Variants in RIMS1 observed in about 807,000 individuals in gnomAD.
The protein encoded by RIMS1 is regulating synaptic membrane exocytosis protein 1.
In RIMS1, 83 loss-of-function variants were observed where a neutral mutation model predicts 214.1. The observed-to-expected ratio is 0.39, with a 90% CI of 0.32 to 0.47. The LOEUF (loss-of-function observed/expected upper bound fraction) is 0.47. Ranked by LOEUF, RIMS1 falls within the 20% of genes least tolerant of loss-of-function variation. RIMS1 has a pLI of 0.99. For synonymous variants in RIMS1, 793 were observed against 786.8 expected (o/e 1.01, Z -0.13); for missense variants, 2,050 against 2,161.8 (o/e 0.95, Z 1.03).
At chr6:72,312,714 A>C (rs1376055026) in intron 27 of RIMS1, among the ~76,000 whole-genome samples, 1 of 152,172 alleles carries the variant, frequency 6.6e-6, no homozygotes, top group Non-Finnish European at 1.5e-5. Flanking sequence ...GTAGAAAGCT[A>C]AAGACCAGTC....
At chr6:72,118,622 C>A (rs534388944) in intron 4 of RIMS1, among the ~76,000 whole-genome samples, 2 of 151,680 alleles carry the variant, frequency 1.3e-5, no homozygotes, top group Non-Finnish European at 3.0e-5. Flanking sequence ...AAAGATAATA[C>A]ATCATGATCA....
At chr6:71,942,222 A>G (rs1331071938) in intron 1 of RIMS1, among the ~76,000 whole-genome samples, 1 of 152,212 alleles carries the variant, frequency 6.6e-6, no homozygotes, top group Non-Finnish European at 1.5e-5. Flanking sequence ...AGGTAACTCC[A>G]TAACTGCTAA....
chr6:72,257,712 A>G (rs1191821435), intron 16 of RIMS1, among the ~76,000 whole-genome samples: 1 of 152,182 alleles, frequency 6.6e-6, no homozygotes, highest in African/African-American at 2.4e-5. Flanking sequence ...AAAAATCGAA[A>G]TGAAGAATTT....
chr6:72,015,389 C>T (rs1462146585), intron 2 of RIMS1, among the ~76,000 whole-genome samples: 1 of 152,068 alleles, frequency 6.6e-6, no homozygotes, highest in African/African-American at 2.4e-5. Context: ...TATTCATCAC[C>T]CTTGCTGAGC....
chr6:72,291,837 T>C (rs1193362708), intron 25 of RIMS1, 97 bp from the exon 26 acceptor site: 1 of 864,860 alleles, frequency 1.2e-6, no homozygotes, highest in Admixed American at 2.0e-5. Flanking sequence ...GTGAGGGGGT[T>C]TATGTCTATT....
chr6:71,996,537 T>C (rs1584464731), intron 2 of RIMS1, among the ~76,000 whole-genome samples: 1 of 152,356 alleles, frequency 6.6e-6, no homozygotes, highest in Middle Eastern at 3.4e-3. Context: ...TCCTAATTTG[T>C]ACTTTATTCC....
intron 2 of RIMS1, among the ~76,000 whole-genome samples, chr6:72,011,485 T>C (rs1444646033): frequency 6.6e-6 from 1 of 152,184 alleles, no homozygotes; most frequent in Non-Finnish European, 1.5e-5. Context: ...AAATGGGATC[T>C]AATCAAACTA....
intron 2 of RIMS1, among the ~76,000 whole-genome samples, chr6:72,040,909 G>A (rs1043444472): frequency 1.7e-4 from 26 of 151,764 alleles, no homozygotes; most frequent in African/African-American, 6.0e-4. Context: ...AATATTTGGT[G>A]TGTCCCTACA....
At chr6:72,078,423 A>G (rs1044848662) in intron 2 of RIMS1, among the ~76,000 whole-genome samples, 1 of 151,980 alleles carries the variant, frequency 6.6e-6, no homozygotes, top group Non-Finnish European at 1.5e-5. Flanking sequence ...CTATTCCCTA[A>G]TACTTCATGT....
At chr6:72,342,920 T>G (rs1450631932) in intron 29 of RIMS1, among the ~76,000 whole-genome samples, 1 of 151,660 alleles carries the variant, frequency 6.6e-6, no homozygotes, top group Admixed American at 6.6e-5. Context: ...CTGAAGGAGC[T>G]TGAGTCAGAG....
intron 6 of RIMS1, among the ~76,000 whole-genome samples, chr6:72,210,172 A>G (rs1589157554): frequency 1.3e-5 from 2 of 152,186 alleles, no homozygotes; most frequent in South Asian, 4.1e-4. Flanking sequence ...GGGATCCAAT[A>G]CTTCTCTTTC....
chr6:72,076,244 G>T (rs1201690508), intron 2 of RIMS1, among the ~76,000 whole-genome samples: 1 of 152,128 alleles, frequency 6.6e-6, no homozygotes, highest in East Asian at 1.9e-4. Flanking sequence ...TTTTACCGAT[G>T]AGGAAACTCA....
At chr6:72,064,259 A>G (rs149875567) in intron 2 of RIMS1, among the ~76,000 whole-genome samples, 1 of 151,970 alleles carries the variant, frequency 6.6e-6, no homozygotes, top group Non-Finnish European at 1.5e-5. Flanking sequence ...CGGAGGTTGC[A>G]GTGAGCTGAG....
At chr6:72,179,214 CT>C (rs1027215777) in intron 4 of RIMS1, among the ~76,000 whole-genome samples, 7 of 150,956 alleles carry the variant, frequency 4.6e-5, no homozygotes, top group African/African-American at 1.7e-4. Flanking sequence ...TTTTTTTTTC[CT>C]GGTAACATTT....
At chr6:72,074,018 T>C (rs1344425096) in intron 2 of RIMS1, among the ~76,000 whole-genome samples, 1 of 152,202 alleles carries the variant, frequency 6.6e-6, no homozygotes, top group Non-Finnish European at 1.5e-5. Flanking sequence ...TCTATGTATT[T>C]TATGATATAT....
At chr6:71,985,928 GTC>G (rs1254766670) in intron 2 of RIMS1, among the ~76,000 whole-genome samples, 2 of 152,140 alleles carry the variant, frequency 1.3e-5, no homozygotes, top group African/African-American at 4.8e-5. Context: ...GGCAGGGTTA[GTC>G]TCTCTACTTT....
At chr6:72,075,814 A>G (rs2153751243) in intron 2 of RIMS1, among the ~76,000 whole-genome samples, 1 of 152,332 alleles carries the variant, frequency 6.6e-6, no homozygotes, top group East Asian at 1.9e-4. Flanking sequence ...TTAGTGTTAC[A>G]GAGCTATCTG....
At chr6:71,948,219 A>C (rs1788459816) in intron 1 of RIMS1, among the ~76,000 whole-genome samples, 1 of 152,180 alleles carries the variant, frequency 6.6e-6, no homozygotes, top group South Asian at 2.1e-4. Context: ...AATGCTGAGG[A>C]TATCAGATGA....
chr6:72,348,452 T>G (rs1383502643), intron 29 of RIMS1, among the ~76,000 whole-genome samples: 1 of 151,922 alleles, frequency 6.6e-6, no homozygotes, highest in Non-Finnish European at 1.5e-5. Context: ...CTTTCTCTTC[T>G]TTGCTTATAT....
Sources: allele counts gnomAD v4.1 joint callset (sites outside exome capture counted in the v4.1 genomes callset), GRCh38; gene constraint gnomAD v4.1.1; transcripts MANE v1.5; gene names NCBI Gene and HGNC (gene_info 2026-07-23, HGNC 2026-07-21).